FIGN: variants seen among roughly 807,000 people sequenced by gnomAD.
The protein encoded by FIGN is fidgetin.
Under a neutral mutation model 51.3 loss-of-function variants are expected in FIGN, and 11 were observed. The observed-to-expected ratio is 0.21, with a 90% confidence interval of 0.13 to 0.35. FIGN has a LOEUF of 0.35. FIGN is among the 10% of genes least tolerant of loss of function. The pLI is 1.00. For missense variants in FIGN, 857 were observed against 943.6 expected, an observed-to-expected ratio of 0.91 and a Z score of 1.20; for synonymous variants, 407 against 363.2, an observed-to-expected ratio of 1.12 and a Z score of -1.37.
chr2:163,654,682 T>C (rs1437883263), intron 2 of FIGN, among the ~76,000 whole-genome samples: 1 of 152,132 alleles, frequency 6.6e-6, no homozygotes, highest in Non-Finnish European at 1.5e-5. Flanking sequence ...TTATTTTTCA[T>C]AGGCCAGATT....
intron 2 of FIGN, among the ~76,000 whole-genome samples, chr2:163,710,666 T>C (rs1392235119): frequency 6.6e-6 from 1 of 152,170 alleles, no homozygotes; most frequent in Non-Finnish European, 1.5e-5. Flanking sequence ...TGAAAGGTTT[T>C]TATTTAGTGC....
rs1382064497 is a variant in FIGN, at chr2:163,605,117, C to G, written c.*4435G>C. The G allele has an allele frequency of 3.3e-5, 5 of 151,746 alleles. No homozygotes were observed. The East Asian group carries it at 9.7e-4, about 29-fold the overall frequency. 9.4% of individuals were successfully genotyped at this position (151,746 alleles called of 1,614,324 possible). ...GCCGACATTCTACATATCACTGAGACAGGGAGGTGAAATTTTCCTGCTTCC... is the reference window on the plus strand; with the variant it reads ...GCCGACATTCTACATATCACTGAGAGAGGGAGGTGAAATTTTCCTGCTTCC... On this transcript the variant is annotated 3_prime_UTR_variant, in exon 3 of 3. Coordinates refer to ENST00000333129, the MANE Select transcript of FIGN (RefSeq NM_018086.4).
intron 2 of FIGN, among the ~76,000 whole-genome samples, chr2:163,665,734 CA>C (rs2072517437): frequency 6.6e-6 from 1 of 152,098 alleles, no homozygotes; most frequent in African/African-American, 2.4e-5. Flanking sequence ...CCTAACAATA[CA>C]GAATGTAGAG....
At chr2:163,689,591 G>A (rs1000384603) in intron 2 of FIGN, among the ~76,000 whole-genome samples, 1 of 152,062 alleles carries the variant, frequency 6.6e-6, no homozygotes, top group African/African-American at 2.4e-5. Context: ...AATTTCAATC[G>A]AGTAGTGTTC....
chr2:163,611,394 C>T lies in FIGN; in HGVS notation c.438G>A (p.Ala146=), dbSNP rs1691255740. The change falls in exon 3 of 3, where the codon GCG becomes GCA. Residue 146 remains alanine (A), a synonymous_variant. Coordinates refer to ENST00000333129, the MANE Select transcript of FIGN (RefSeq NM_018086.4). ...SSALPPADVS[A]SIGSSPGVAS... is the part of the protein sequence containing the mutation. ...CTACCCCAGGAGAGCTTCCTATACT[C>T]GCAGAGACATCTGCTGGAGGGAGGG... 2.5e-6 allele frequency: 4 copies of T among 1,614,080 alleles called. No homozygotes were observed. Among genetic ancestry groups the T allele is most frequent in the Non-Finnish European group, 3.4e-6 (4 of 1,179,986 alleles).
At position 163,604,576 on chromosome 2, in the gene FIGN, T is replaced by A. The variant is rs1430173055; in HGVS notation, c.*4976A>T. 6.6e-6 allele frequency: 1 copy of A among 152,040 alleles called. No individual in the cohort carries two copies. Among genetic ancestry groups the A allele is most frequent in the Non-Finnish European group, 1.5e-5 (1 of 67,984 alleles). 9.4% of individuals were successfully genotyped at this position (152,040 alleles called of 1,614,324 possible). A position where few individuals can be genotyped will look rare whatever the true frequency, so the allele number is the denominator to read the frequency against. ...TAGACTGTTCAAGTTCAAGGACAAG[T>A]CTTTTTCTTACGAAATGCATGACAT... On this transcript the variant is annotated 3_prime_UTR_variant, in exon 3 of 3. Transcript: ENST00000333129.
chr2:163,667,159 T>C (rs530266772), intron 2 of FIGN, among the ~76,000 whole-genome samples: 2 of 152,016 alleles, frequency 1.3e-5, no homozygotes, highest in Non-Finnish European at 2.9e-5. Context: ...CCACTCTGCA[T>C]TCACACAGAC....
chr2:163,676,148 C>T (rs1402080002), intron 2 of FIGN, among the ~76,000 whole-genome samples: 5 of 151,418 alleles, frequency 3.3e-5, no homozygotes, highest in Non-Finnish European at 7.4e-5. Context: ...CTGTGGAGTA[C>T]ACATATGAAT....
chr2:163,703,414 G>A (rs1684440742), intron 2 of FIGN, among the ~76,000 whole-genome samples: 1 of 152,060 alleles, frequency 6.6e-6, no homozygotes, highest in Non-Finnish European at 1.5e-5. Flanking sequence ...ATGCAAATTT[G>A]TAGGGGAGAG....
chr2:163,690,517 C>G (rs1684223823), intron 2 of FIGN, among the ~76,000 whole-genome samples: 1 of 151,934 alleles, frequency 6.6e-6, no homozygotes, highest in Non-Finnish European at 1.5e-5. Flanking sequence ...TAAATACACA[C>G]AATATATAAG....
intron 2 of FIGN, among the ~76,000 whole-genome samples, chr2:163,621,357 AG>A (rs759022390): frequency 6.6e-6 from 1 of 152,168 alleles, no homozygotes; most frequent in Non-Finnish European, 1.5e-5. Context: ...AAAATTCTAT[AG>A]TCAGGGCTGG....
At chr2:163,698,362 T>C (rs577624001) in intron 2 of FIGN, among the ~76,000 whole-genome samples, 1 of 152,184 alleles carries the variant, frequency 6.6e-6, no homozygotes, top group Admixed American at 6.5e-5. Flanking sequence ...CCTGTGGTCA[T>C]TACCTGCCCC....
chr2:163,611,299 G>A lies in FIGN; in HGVS notation c.533C>T (p.Ala178Val). 6.2e-7 allele frequency: 1 copy of A among 1,614,152 alleles called. No homozygotes were observed. Among genetic ancestry groups the A allele is most frequent in the Non-Finnish European group, 8.5e-7 (1 of 1,180,024 alleles). ...GGCATATTCCTGAGATGGGAGCCCT[G>A]CATGAAGACTGGGTACAGTGTGGCT... ...CGSHTVPSLH[A>V]GLPSQEYAPG... Residue 178 changes from alanine to valine, a missense_variant, in exon 3 of 3, where the codon GCA becomes GTA. Physicochemically the swap from Ala to Val is moderately conservative, Grantham distance 64. Around this residue, in one of 3 missense-constraint regions of FIGN, gnomAD observed 799 missense variants for 849.5 expected, o/e 0.94. Transcript: ENST00000333129.
chr2:163,618,278 A>T (rs554576146), intron 2 of FIGN, among the ~76,000 whole-genome samples: 2 of 152,292 alleles, frequency 1.3e-5, no homozygotes, highest in South Asian at 4.1e-4. Context: ...TCAAAATAAG[A>T]TATTCTAATT....
intron 2 of FIGN, among the ~76,000 whole-genome samples, chr2:163,692,973 G>A (rs1684260655): frequency 6.6e-6 from 1 of 152,216 alleles, no homozygotes; most frequent in Admixed American, 6.5e-5. Context: ...CAGGTCTAAA[G>A]AGAGTCAGGC....
intron 2 of FIGN, among the ~76,000 whole-genome samples, chr2:163,654,090 G>A (rs1180356067): frequency 3.3e-5 from 5 of 151,966 alleles, no homozygotes; most frequent in East Asian, 3.9e-4. Flanking sequence ...GAATAATCTC[G>A]AGGATTTGGA....
chr2:163,657,496 G>A (rs1240094728), intron 2 of FIGN, among the ~76,000 whole-genome samples: 1 of 114,734 alleles, frequency 8.7e-6, no homozygotes, highest in Non-Finnish European at 1.8e-5. Context: ...ATGTCAGAGG[G>A]AGTCTGTGTG....
chr2:163,645,082 T>C (rs981586859), intron 2 of FIGN, among the ~76,000 whole-genome samples: 6 of 152,222 alleles, frequency 3.9e-5, no homozygotes, highest in Admixed American at 6.5e-5. Flanking sequence ...AATTGTATGG[T>C]ATGTGAAATA....
chr2:163,705,014 T>C (rs1336961489), intron 2 of FIGN, among the ~76,000 whole-genome samples: 1 of 152,140 alleles, frequency 6.6e-6, no homozygotes, highest in Non-Finnish European at 1.5e-5. Context: ...TCTCATCCAT[T>C]GGTGACATAA....
Sources: allele counts gnomAD v4.1 joint callset (sites outside exome capture counted in the v4.1 genomes callset), GRCh38; gene constraint gnomAD v4.1.1; regional missense constraint gnomAD v4.1.1; transcripts MANE v1.5; gene names NCBI Gene and HGNC (gene_info 2026-07-23, HGNC 2026-07-21).